The following DYNC2H1 variants were observed in gnomAD, a reference collection of about 807,000 sequenced individuals.
DYNC2H1 encodes dynein cytoplasmic 2 heavy chain 1.
Under a neutral mutation model 570.0 loss-of-function variants are expected in DYNC2H1, and 410 were observed. The observed-to-expected ratio is 0.72, with a 90% CI of 0.66 to 0.78. The LOEUF (loss-of-function observed/expected upper bound fraction) is 0.78, where lower values mean the gene tolerates loss of function less well. DYNC2H1 is among the 30% of genes least tolerant of loss of function. The pLI is 0.00. For synonymous variants in DYNC2H1, 1,688 were observed against 1,677.6 expected, an observed-to-expected ratio of 1.01 and a Z score of -0.15; for missense variants, 4,865 against 5,046.4, an observed-to-expected ratio of 0.96 and a Z score of 1.09.
intron 54 of DYNC2H1, among the ~76,000 whole-genome samples, chr11:103,215,281 G>A (rs1230449810): frequency 6.6e-6 from 1 of 152,124 alleles, no homozygotes; most frequent in African/African-American, 2.4e-5. Context: ...TGTGGGCAGA[G>A]GGTTTGTCAT....
chr11:103,343,262 C>A (rs545090678), intron 82 of DYNC2H1, among the ~76,000 whole-genome samples: 1 of 152,188 alleles, frequency 6.6e-6, no homozygotes, highest in African/African-American at 2.4e-5. Context: ...AAGCGCAACT[C>A]GACCATCTAT....
rs200636241 is a variant in DYNC2H1, at chr11:103,435,952, G to T, written c.12376G>T (p.Ala4126Ser). Reference sequence around the variant, plus strand: ...CCTTTTTAAATTGCAGTGTCCTCTCGCATGGCAGAGCAAGTGGGAAGGCCC... The same window carrying T: ...CCTTTTTAAATTGCAGTGTCCTCTCTCATGGCAGAGCAAGTGGGAAGGCCC... ...SALLNQKCPL[A>S]WQSKWEGPED... is the part of the protein sequence containing the mutation. Residue 4126 changes from alanine to serine, a missense_variant, in exon 85 of 89, where the codon GCA (alanine) becomes TCA (serine). Around this residue, in one of 5 missense-constraint regions of DYNC2H1, gnomAD observed 2,401 missense variants for 2,454.6 expected, o/e 0.98. Coordinates refer to ENST00000375735, the MANE Select transcript of DYNC2H1 (RefSeq NM_001377.3). The T allele has an allele frequency of 6.2e-7, 1 of 1,612,242 alleles. No homozygotes were observed. The highest frequency in any genetic ancestry group is 8.5e-7 in the Non-Finnish European group (1 of 1,178,912).
At chr11:103,119,777 C>A (rs1858605582) in intron 6 of DYNC2H1, among the ~76,000 whole-genome samples, 1 of 152,192 alleles carries the variant, frequency 6.6e-6, no homozygotes. Context: ...TATTTATCAA[C>A]AGTCTGTAGG....
Position 103,243,735 on chromosome 11 carries a change from A to G in DYNC2H1, c.9862A>G (p.Thr3288Ala), listed in dbSNP as rs755279762. 3 of 1,606,998 alleles carry G rather than the reference A, an allele frequency of 1.9e-6. No individual in the cohort carries two copies. The highest frequency in any genetic ancestry group is 2.6e-6 in the Non-Finnish European group (3 of 1,176,290). Residue 3288 changes from threonine to alanine, a missense_variant, in exon 64 of 89, where the codon ACA (threonine) becomes GCA (alanine). Physicochemically the swap from Thr to Ala is moderately conservative, Grantham distance 58. Coordinates refer to ENST00000375735, the MANE Select transcript of DYNC2H1 (RefSeq NM_001377.3). The surrounding 1 kb of genome is among the most constrained non-coding windows in gnomAD (Gnocchi z 4.8). ...TCTTATAGATCCTTCTTCCCAAGCTACAGAGTGGTTAAAAACACATTTGAA... is the reference window on the plus strand; with the variant it reads ...TCTTATAGATCCTTCTTCCCAAGCTGCAGAGTGGTTAAAAACACATTTGAA... ...PFLIDPSSQATEWLKTHLKDS... is the reference protein window; with the variant it reads ...PFLIDPSSQAAEWLKTHLKDS...
At chr11:103,420,566 C>T (rs1250543543) in intron 84 of DYNC2H1, among the ~76,000 whole-genome samples, 4 of 152,140 alleles carry the variant, frequency 2.6e-5, no homozygotes, top group Non-Finnish European at 5.9e-5. Flanking sequence ...AGATTGGGGG[C>T]CAATATTCAA....
At position 103,446,113 on chromosome 11, in the gene DYNC2H1, G is replaced by T. The variant is rs753200920; in HGVS notation, c.12457-9073G>T. Among the ~76,000 whole-genome samples the T allele has an allele frequency of 9.9e-5, 15 of 151,962 alleles. No individual in the cohort carries two copies. The highest frequency in any genetic ancestry group is 2.1e-4 in the Non-Finnish European group (14 of 68,008). On this transcript the variant is annotated intron_variant, in intron 85 of 88. Transcript: ENST00000375735. The surrounding 1 kb of genome is among the most constrained non-coding windows in gnomAD (Gnocchi z 4.5). ...TCTTGCAAATTAAAAGTTCTAATTT[G>T]AACATGATAAGTTTAGATGTCTTTT...
At chr11:103,420,740 A>G (rs991837314) in intron 84 of DYNC2H1, among the ~76,000 whole-genome samples, 1 of 152,220 alleles carries the variant, frequency 6.6e-6, no homozygotes, top group African/African-American at 2.4e-5. Context: ...CTAAATATAG[A>G]AATGAAAACC....
chr11:103,206,131 T>A (rs1862912908), intron 52 of DYNC2H1, among the ~76,000 whole-genome samples: 1 of 152,054 alleles, frequency 6.6e-6, no homozygotes, highest in African/African-American at 2.4e-5. Context: ...TGAGAAATGG[T>A]TGTATTCTGC....
chr11:103,213,247 G>C (rs1334931910), intron 54 of DYNC2H1, among the ~76,000 whole-genome samples: 1 of 152,030 alleles, frequency 6.6e-6, no homozygotes, highest in Non-Finnish European at 1.5e-5. Flanking sequence ...ATATTAGACA[G>C]ACAAAACCAA....
intron 84 of DYNC2H1, among the ~76,000 whole-genome samples, chr11:103,428,222 G>A (rs922393547): frequency 1.3e-5 from 2 of 149,910 alleles, no homozygotes; most frequent in African/African-American, 2.5e-5. Flanking sequence ...AAAGAGAGGA[G>A]TAAGGAGGAG....
At chr11:103,274,931 C>A (rs1302226009) in intron 70 of DYNC2H1, among the ~76,000 whole-genome samples, 1 of 151,684 alleles carries the variant, frequency 6.6e-6, no homozygotes, top group Non-Finnish European at 1.5e-5. Context: ...CCCGTCTCTA[C>A]TAAAAATACA....
chr11:103,348,834 T>C (rs776348554), intron 82 of DYNC2H1, among the ~76,000 whole-genome samples: 4 of 152,074 alleles, frequency 2.6e-5, no homozygotes, highest in Non-Finnish European at 4.4e-5. Flanking sequence ...GTGATTAGAT[T>C]ATGGGAGGCA....
chr11:103,254,992 C>T lies in DYNC2H1; in HGVS notation c.10207-423C>T, dbSNP rs1164555182. Among the ~76,000 whole-genome samples, 17 of 151,806 alleles carry T rather than the reference C, an allele frequency of 1.1e-4. No individual in the cohort carries two copies. Among genetic ancestry groups the T allele is most frequent in the Non-Finnish European group, 1.5e-5 (1 of 67,958 alleles). ...TTCACTATGTTAGCCAGGCTGGTCTCGAACTCCTTACCTCGTGATCCACCC... is the reference window on the plus strand; with the variant it reads ...TTCACTATGTTAGCCAGGCTGGTCTTGAACTCCTTACCTCGTGATCCACCC... On this transcript the variant is annotated intron_variant, in intron 66 of 88. Transcript: ENST00000375735. This position sits in a 1 kb window ranked among gnomAD's most constrained non-coding sequence, Gnocchi z 4.9.
At chr11:103,278,885 C>T (rs1403887884) in intron 70 of DYNC2H1, among the ~76,000 whole-genome samples, 1 of 152,064 alleles carries the variant, frequency 6.6e-6, no homozygotes, top group Non-Finnish European at 1.5e-5. Flanking sequence ...GTTCTTAATG[C>T]CCATGTAATG....
intron 88 of DYNC2H1, among the ~76,000 whole-genome samples, chr11:103,476,856 A>T (rs941138496): frequency 2.0e-5 from 3 of 152,174 alleles, no homozygotes; most frequent in Admixed American, 2.0e-4. Flanking sequence ...TTTTCTGTGA[A>T]AGAAAATTAT....
rs1862731255 is a variant in DYNC2H1, at chr11:103,201,876, T to TAACAAAACAACCTTATTTAAGTA, written c.8197+1723_8197+1724insACAAAACAACCTTATTTAAGTAA. Among the ~76,000 whole-genome samples the TAACAAAACAACCTTATTTAAGTA allele has an allele frequency of 1.3e-5, 2 of 152,200 alleles. No individual in the cohort carries two copies. The highest frequency in any genetic ancestry group is 4.8e-5 in the African/African-American group (2 of 41,456). On this transcript the variant is annotated intron_variant, in intron 50 of 88. Coordinates refer to ENST00000375735, the MANE Select transcript of DYNC2H1 (RefSeq NM_001377.3). This position sits in a 1 kb window ranked among gnomAD's most constrained non-coding sequence, Gnocchi z 4.8. ...GATCAAGAGTGTTTTGTTATTTAAGTACAAAATAAACCTTAAAAACTAGTT... is the reference window on the plus strand; with the variant it reads ...GATCAAGAGTGTTTTGTTATTTAAGTAACAAAACAACCTTATTTAAGTAACAAAATAAACCTTAAAAACTAGTT...
intron 85 of DYNC2H1, among the ~76,000 whole-genome samples, chr11:103,452,394 T>C (rs1365340501): frequency 1.3e-5 from 2 of 152,156 alleles, no homozygotes; most frequent in East Asian, 3.9e-4. Flanking sequence ...CATAAAGTTG[T>C]TTTCATGCAC....
Position 103,153,500 on chromosome 11 carries a change from A to G in DYNC2H1, c.3294A>G (p.Lys1098=). 1 of 1,555,492 alleles carries G rather than the reference A, an allele frequency of 6.4e-7. No homozygotes were observed. Among genetic ancestry groups the G allele is most frequent in the Non-Finnish European group, 8.7e-7 (1 of 1,154,038 alleles). Reference sequence around the variant, plus strand: ...TTGATGATCTTGAAGTCACAAGAAAAAAGCTGGTGTATGTTTTTTCTTTAA... The same window carrying G: ...TTGATGATCTTGAAGTCACAAGAAAGAAGCTGGTGTATGTTTTTTCTTTAA... ...IEFDDLEVTR[K]KLVDDCHHFR... is the part of the protein sequence containing the mutation. The change falls in exon 22 of 89, where the codon AAA becomes AAG. Residue 1098 remains lysine, a synonymous_variant. Transcript: ENST00000375735.
At chr11:103,231,964 A>G (rs916879513) in intron 60 of DYNC2H1, among the ~76,000 whole-genome samples, 24 of 151,992 alleles carry the variant, frequency 1.6e-4, no homozygotes, top group African/African-American at 5.8e-4. Context: ...AATCAAACCG[A>G]AAAGAAAACC....
Sources: allele counts gnomAD v4.1 joint callset (sites outside exome capture counted in the v4.1 genomes callset), GRCh38; gene constraint gnomAD v4.1.1; regional missense constraint gnomAD v4.1.1; non-coding constraint Gnocchi (gnomAD v3.1); transcripts MANE v1.5; gene names NCBI Gene and HGNC (gene_info 2026-07-23, HGNC 2026-07-21).